The following DERA variants were observed in gnomAD, a reference collection of about 807,000 sequenced individuals.
DERA encodes the protein 2-deoxy-D-ribose 5-phosphate aldolase.
A neutral mutation model predicts 41.1 loss-of-function variants in DERA; 15 were observed. That is an observed-to-expected ratio of 0.37 (90% CI 0.24 to 0.56). The LOEUF is 0.56. Among genes scored for constraint, DERA ranks in the 20% least tolerant of loss-of-function variants. The probability of loss-of-function intolerance (pLI) is 0.81; values close to 1 mark genes in which losing one functional copy is unlikely to be tolerated. For missense variants in DERA, 396 were observed against 403.4 expected, an observed-to-expected ratio of 0.98 and a Z score of 0.16; for synonymous variants, 139 against 137.4, an observed-to-expected ratio of 1.01 and a Z score of -0.08.
intron 1 of DERA, among the ~76,000 whole-genome samples, chr12:15,926,597 G>A (rs972927127): frequency 9.2e-5 from 14 of 152,174 alleles, no homozygotes; most frequent in Non-Finnish European, 1.8e-4. Context: ...TTAGCCGGGC[G>A]TGGTGGCGGG....
At chr12:15,991,212 T>C (rs1219426038) in intron 6 of DERA, among the ~76,000 whole-genome samples, 2 of 152,210 alleles carry the variant, frequency 1.3e-5, no homozygotes, top group Non-Finnish European at 1.5e-5. Context: ...TAATCAGTGA[T>C]GTTGAACTTT....
At position 16,026,640 on chromosome 12, in the gene DERA, A is replaced by T. The variant is rs1949055336; in HGVS notation, c.638-5902A>T. Among the ~76,000 whole-genome samples the T allele has an allele frequency of 6.6e-6, 1 of 150,748 alleles. No homozygotes were observed. The highest frequency in any genetic ancestry group is 2.4e-5 in the African/African-American group (1 of 41,332). On this transcript the variant is annotated intron_variant, in intron 6 of 8. Transcript: ENST00000428559. This position sits in a 1 kb window ranked among gnomAD's most constrained non-coding sequence, Gnocchi z 4.4. ...ATATTTTAATTATATAAAATTATTT[A>T]TTTAAAAATTTAACAAATTACTAAA...
chr12:15,965,872 G>A lies in DERA; in HGVS notation c.508+2925G>A, dbSNP rs1413570030. On this transcript the variant is annotated intron_variant, in intron 5 of 8. Coordinates refer to ENST00000428559, the MANE Select transcript of DERA (RefSeq NM_015954.4). The surrounding 1 kb of genome is among the most constrained non-coding windows in gnomAD (Gnocchi z 4.1). ...CTAAATTCCTTCCCTCGACTGTGCT[G>A]TGGCTCTCATCTCCCCCTGCATTTT... Among the ~76,000 whole-genome samples the A allele has an allele frequency of 6.6e-6, 1 of 152,002 alleles. No individual in the cohort carries two copies. The highest frequency in any genetic ancestry group is 6.5e-5 in the Admixed American group (1 of 15,280).
In DERA at chr12:16,008,305, C is replaced by A. The variant is rs111711181; in HGVS notation, c.638-24237C>A. ...CACTTTTAGCTTTTCCTAATATTTC[C>A]TAATAGCTTTCTCAAATCTCTCCTG... On this transcript the variant is annotated intron_variant, in intron 6 of 8. Coordinates refer to ENST00000428559, the MANE Select transcript of DERA (RefSeq NM_015954.4). This position sits in a 1 kb window ranked among gnomAD's most constrained non-coding sequence, Gnocchi z 4.8. Among the ~76,000 whole-genome samples, 4 of 152,224 alleles carry A rather than the reference C, an allele frequency of 2.6e-5. No individual in the cohort carries two copies. Among genetic ancestry groups the A allele is most frequent in the African/African-American group, 9.6e-5 (4 of 41,462 alleles).
chr12:16,019,515 A>G lies in DERA; in HGVS notation c.638-13027A>G, dbSNP rs1949004829. On this transcript the variant is annotated intron_variant, in intron 6 of 8. Coordinates refer to ENST00000428559, the MANE Select transcript of DERA (RefSeq NM_015954.4). The surrounding 1 kb of genome is among the most constrained non-coding windows in gnomAD (Gnocchi z 4.4). ...TTTACAGTCACATCTTCTAAAACAT[A>G]CATTCATATATCTGTGTATATGTCC... Among the ~76,000 whole-genome samples, 1 of 152,216 alleles carries G rather than the reference A, an allele frequency of 6.6e-6. No individual in the cohort carries two copies. Among genetic ancestry groups the G allele is most frequent in the Non-Finnish European group, 1.5e-5 (1 of 68,046 alleles).
At position 15,931,314 on chromosome 12, in the gene DERA, T is replaced by C. The variant is rs1382276258; in HGVS notation, c.31+19900T>C. 6.6e-6 allele frequency among the ~76,000 whole-genome samples: 1 copy of C among 152,214 alleles called. No individual in the cohort carries two copies. The highest frequency in any genetic ancestry group is 1.5e-5 in the Non-Finnish European group (1 of 68,030). On this transcript the variant is annotated intron_variant, in intron 1 of 8. Transcript: ENST00000428559. This position sits in a 1 kb window ranked among gnomAD's most constrained non-coding sequence, Gnocchi z 4.6. ...TAATTTTGGAAAGTTCTTCATCTAG[T>C]AGTTTTCATTGAGAGGAAAGAGTTA... is the stretch of plus-strand genomic sequence containing the variant.
chr12:16,022,491 A>C (rs986202469), intron 6 of DERA, among the ~76,000 whole-genome samples: 21 of 152,196 alleles, frequency 1.4e-4, no homozygotes, highest in African/African-American at 4.8e-4. Context: ...TAACTACCAG[A>C]TACATTCTTA....
At position 15,995,320 on chromosome 12, in the gene DERA, G is replaced by A. The variant is rs1592040912; in HGVS notation, c.637+12884G>A. On this transcript the variant is annotated intron_variant, in intron 6 of 8. Coordinates refer to ENST00000428559, the MANE Select transcript of DERA (RefSeq NM_015954.4). This position sits in a 1 kb window ranked among gnomAD's most constrained non-coding sequence, Gnocchi z 5.1. ...ATCAATATAAAAGAGAAAAATGACA[G>A]CAAGCCCGGGGCCACCTGCCTATGA... 6.6e-6 allele frequency among the ~76,000 whole-genome samples: 1 copy of A among 152,148 alleles called. No homozygotes were observed. Among genetic ancestry groups the A allele is most frequent in the East Asian group, 1.9e-4 (1 of 5,188 alleles).
chr12:15,923,754 A>G (rs1456220584), intron 1 of DERA, among the ~76,000 whole-genome samples: 2 of 135,096 alleles, frequency 1.5e-5, no homozygotes, highest in South Asian at 2.3e-4. Flanking sequence ...CCTCTCTTCT[A>G]TTCCCTAGGC....
At chr12:16,029,816 G>T (rs981585444) in intron 6 of DERA, among the ~76,000 whole-genome samples, 1 of 149,770 alleles carries the variant, frequency 6.7e-6, no homozygotes, top group South Asian at 2.2e-4. Context: ...TGTCCACCCC[G>T]CCCTTCTGAA....
chr12:16,007,733 C>G (rs1016675581), intron 6 of DERA, among the ~76,000 whole-genome samples: 1 of 152,188 alleles, frequency 6.6e-6, no homozygotes, highest in Admixed American at 6.5e-5. Flanking sequence ...GGCCCAGTGT[C>G]TTCTTCAGTT....
rs1948925328 is a variant in DERA, at chr12:16,008,179, T to G, written c.638-24363T>G. On this transcript the variant is annotated intron_variant, in intron 6 of 8. Transcript: ENST00000428559. The surrounding 1 kb of genome is among the most constrained non-coding windows in gnomAD (Gnocchi z 4.8). Reference sequence around the variant, plus strand: ...GATAACACAGTTTCTTTTTCTCTGTTTCTTCAGCAACGTGCAGACACATTG... The same window carrying G: ...GATAACACAGTTTCTTTTTCTCTGTGTCTTCAGCAACGTGCAGACACATTG... 6.6e-6 allele frequency among the ~76,000 whole-genome samples: 1 copy of G among 152,234 alleles called. No homozygotes were observed. The highest frequency in any genetic ancestry group is 1.5e-5 in the Non-Finnish European group (1 of 68,042).
intron 1 of DERA, among the ~76,000 whole-genome samples, chr12:15,945,354 A>G (rs1454898934): frequency 1.3e-5 from 2 of 152,160 alleles, no homozygotes; most frequent in African/African-American, 4.8e-5. Flanking sequence ...GATTCTTCCT[A>G]TCCATGAGCA....
intron 1 of DERA, among the ~76,000 whole-genome samples, chr12:15,956,181 G>C (rs1297264871): frequency 6.6e-6 from 1 of 152,192 alleles, no homozygotes; most frequent in Non-Finnish European, 1.5e-5. Context: ...CTATCCAAAT[G>C]TTAGCTCTGT....
chr12:15,938,204 T>A lies in DERA; in HGVS notation c.32-18732T>A, dbSNP rs1266602334. On this transcript the variant is annotated intron_variant, in intron 1 of 8. Transcript: ENST00000428559. The surrounding 1 kb of genome is among the most constrained non-coding windows in gnomAD (Gnocchi z 4.1). Reference sequence around the variant, plus strand: ...TGGAGAAAGTTGCTCAGAAATGACATTGACTTGGATATTTGTTAGGGTGAC... The same window carrying A: ...TGGAGAAAGTTGCTCAGAAATGACAATGACTTGGATATTTGTTAGGGTGAC... Among the ~76,000 whole-genome samples the A allele has an allele frequency of 3.3e-5, 5 of 152,182 alleles. No individual in the cohort carries two copies. Among genetic ancestry groups the A allele is most frequent in the Non-Finnish European group, 7.4e-5 (5 of 68,026 alleles).
intron 3 of DERA, among the ~76,000 whole-genome samples, chr12:15,958,974 G>A (rs900674188): frequency 6.6e-6 from 1 of 152,226 alleles, no homozygotes; most frequent in Non-Finnish European, 1.5e-5. Flanking sequence ...AAGGCTACAC[G>A]TCTTGTTACT....
chr12:16,019,041 A>C lies in DERA; in HGVS notation c.638-13501A>C, dbSNP rs2136183580. Among the ~76,000 whole-genome samples, 1 of 152,294 alleles carries C rather than the reference A, an allele frequency of 6.6e-6. No homozygotes were observed. Among genetic ancestry groups the C allele is most frequent in the East Asian group, 1.9e-4 (1 of 5,182 alleles). ...GCTTGGCTAATGTTAGATTTATGTG[A>C]GCTCTGAAGAGAGTCTGTAGTGCTG... On this transcript the variant is annotated intron_variant, in intron 6 of 8. Transcript: ENST00000428559. This position sits in a 1 kb window ranked among gnomAD's most constrained non-coding sequence, Gnocchi z 4.4.
Position 15,918,595 on chromosome 12 carries a change from A to G in DERA, c.31+7181A>G, listed in dbSNP as rs1168516902. On this transcript the variant is annotated intron_variant, in intron 1 of 8. Transcript: ENST00000428559. The surrounding 1 kb of genome is among the most constrained non-coding windows in gnomAD (Gnocchi z 4.3). ...AAATGTAAATATATAAGAATATTTTAAAAACCTTTATGTGGAGTGCCTGCT... is the reference window on the plus strand; with the variant it reads ...AAATGTAAATATATAAGAATATTTTGAAAACCTTTATGTGGAGTGCCTGCT... Among the ~76,000 whole-genome samples the G allele has an allele frequency of 6.6e-6, 1 of 152,322 alleles. No homozygotes were observed. The highest frequency in any genetic ancestry group is 1.5e-5 in the Non-Finnish European group (1 of 68,032).
At position 15,911,615 on chromosome 12, in the gene DERA, T is replaced by A; in HGVS notation, c.31+201T>A. ...CGTTCGCGCCGCTTGTCTTTGCACC[T>A]AAGCTTTTACTCTTGTATGCGGAAG... On this transcript the variant is annotated intron_variant, in intron 1 of 8. Transcript: ENST00000428559. The surrounding 1 kb of genome is among the most constrained non-coding windows in gnomAD (Gnocchi z 4.5). 1.4e-6 allele frequency: 1 copy of A among 701,244 alleles called. No individual in the cohort carries two copies. Among genetic ancestry groups the A allele is most frequent in the Non-Finnish European group, 2.6e-6 (1 of 386,418 alleles). 43.4% of individuals were successfully genotyped at this position (701,244 alleles called of 1,614,324 possible). A position where few individuals can be genotyped will look rare whatever the true frequency, so the allele number is the denominator to read the frequency against.
Sources: allele counts gnomAD v4.1 joint callset (sites outside exome capture counted in the v4.1 genomes callset), GRCh38; gene constraint gnomAD v4.1.1; non-coding constraint Gnocchi (gnomAD v3.1); transcripts MANE v1.5; gene names NCBI Gene and HGNC (gene_info 2026-07-23, HGNC 2026-07-21).